Variants in EPS8 observed in about 807,000 individuals in gnomAD.
The protein encoded by EPS8 is EGFR pathway substrate 8, signaling adaptor.
A neutral mutation model predicts 103.8 loss-of-function variants in EPS8; 42 were observed. That is an observed-to-expected ratio of 0.40 (90% CI 0.32 to 0.52). The LOEUF is 0.52. Ranked by LOEUF, EPS8 falls within the 20% of genes least tolerant of loss-of-function variation. The pLI, the probability that EPS8 is intolerant of heterozygous loss-of-function variation, is 0.40. For missense variants in EPS8, 969 were observed against 1,005.1 expected, an observed-to-expected ratio of 0.96 and a Z score of 0.49; for synonymous variants, 344 against 344.6, an observed-to-expected ratio of 1.00 and a Z score of 0.02.
rs1440306567 is a variant in EPS8, at chr12:15,727,987, A to T, written c.-21-45015T>A. The T allele has an allele frequency of 1.3e-5, 2 of 152,264 alleles. No homozygotes were observed. The highest frequency in any genetic ancestry group is 3.8e-4 in the East Asian group (2 of 5,202). The allele number at this position is 152,264 out of a possible 1,614,324, so 9.4% of individuals were successfully genotyped here. A position where few individuals can be genotyped will look rare whatever the true frequency, so the allele number is the denominator to read the frequency against. ...CTGCAGCATAGAATAATTCCCTACC[A>T]GGTCTGACTGCAATGGAAAGATTTA... On this transcript the variant is annotated intron_variant, in intron 1 of 20. Coordinates refer to ENST00000281172, the MANE Select transcript of EPS8 (RefSeq NM_004447.6). The surrounding 1 kb of genome is among the most constrained non-coding windows in gnomAD (Gnocchi z 4.3).
chr12:15,696,866 GA>G lies in EPS8; in HGVS notation c.-21-13895del, dbSNP rs1946250414. On this transcript the variant is annotated intron_variant, in intron 1 of 20. Transcript: ENST00000281172. This position sits in a 1 kb window ranked among gnomAD's most constrained non-coding sequence, Gnocchi z 4.8. ...ACCACTTTATAGTGAATTAATAAGT[GA>G]AAAAAGGTGTTTGGATTAGCAGGGA... Among the ~76,000 whole-genome samples the G allele has an allele frequency of 6.6e-6, 1 of 152,028 alleles. No homozygotes were observed. Among genetic ancestry groups the G allele is most frequent in the Non-Finnish European group, 1.5e-5 (1 of 67,996 alleles).
chr12:15,677,905 T>C (rs1945937399), intron 3 of EPS8, among the ~76,000 whole-genome samples: 1 of 152,054 alleles, frequency 6.6e-6, no homozygotes, highest in African/African-American at 2.4e-5. Flanking sequence ...ATACATATAA[T>C]CTCTTCTTGG....
At chr12:15,732,845 T>C (rs894575108) in intron 1 of EPS8, 1 of 710,524 alleles carries the variant, frequency 1.4e-6, no homozygotes, top group Non-Finnish European at 1.7e-6. Flanking sequence ...TTAATCATTG[T>C]TAAGGCTTTG....
chr12:15,763,081 G>C (rs1343336433), intron 1 of EPS8, among the ~76,000 whole-genome samples: 1 of 151,878 alleles, frequency 6.6e-6, no homozygotes, highest in East Asian at 1.9e-4. Context: ...CCCACAAAAA[G>C]CAAAAATACA....
intron 1 of EPS8, among the ~76,000 whole-genome samples, chr12:15,694,643 C>A (rs931149075): frequency 1.3e-5 from 2 of 151,938 alleles, no homozygotes; most frequent in Non-Finnish European, 2.9e-5. Context: ...TGGACTACTC[C>A]AAAACAAAAG....
intron 1 of EPS8, among the ~76,000 whole-genome samples, chr12:15,756,644 C>T (rs1421299722): frequency 2.0e-5 from 3 of 152,088 alleles, no homozygotes; most frequent in African/African-American, 7.2e-5. Context: ...ATACATTGTA[C>T]CTTATATTTT....
chr12:15,659,261 A>C (rs929003646), intron 10 of EPS8, among the ~76,000 whole-genome samples: 1 of 152,144 alleles, frequency 6.6e-6, no homozygotes, highest in Non-Finnish European at 1.5e-5. Flanking sequence ...TTACAGCAGA[A>C]GAATGAAGTG....
At chr12:15,703,817 C>T (rs1450493879) in intron 1 of EPS8, among the ~76,000 whole-genome samples, 1 of 137,300 alleles carries the variant, frequency 7.3e-6, no homozygotes, top group Non-Finnish European at 1.6e-5. Flanking sequence ...CTATAGGAAT[C>T]TTCCCACCTG....
chr12:15,642,247 T>A (rs925137101), intron 15 of EPS8, among the ~76,000 whole-genome samples: 1 of 152,070 alleles, frequency 6.6e-6, no homozygotes, highest in East Asian at 1.9e-4. Flanking sequence ...AGTTATATGT[T>A]GATTTCACTA....
At position 15,761,941 on chromosome 12, in the gene EPS8, A is replaced by G. The variant is rs1947046545; in HGVS notation, c.-22+27220T>C. On this transcript the variant is annotated intron_variant, in intron 1 of 20. Transcript: ENST00000281172. The surrounding 1 kb of genome is among the most constrained non-coding windows in gnomAD (Gnocchi z 4.5). ...AAAACGAAAAGGGACAAATGGGATC[A>G]TATCAAGTTAAAAACCTTCTGAATA... is the stretch of plus-strand genomic sequence containing the variant. Among the ~76,000 whole-genome samples the G allele has an allele frequency of 6.6e-6, 1 of 152,164 alleles. No homozygotes were observed. Among genetic ancestry groups the G allele is most frequent in the Admixed American group, 6.5e-5 (1 of 15,270 alleles).
rs1946670275 is a variant in EPS8, at chr12:15,727,798, C to T, written c.-21-44826G>A. On this transcript the variant is annotated intron_variant, in intron 1 of 20. Transcript: ENST00000281172. The surrounding 1 kb of genome is among the most constrained non-coding windows in gnomAD (Gnocchi z 4.3). ...ACTCGAACCTGGGAGGTGGAGGTTGCAGTGAGCCAAGGTTGTGCCACTGCA... is the reference window on the plus strand; with the variant it reads ...ACTCGAACCTGGGAGGTGGAGGTTGTAGTGAGCCAAGGTTGTGCCACTGCA... 6.6e-6 allele frequency among the ~76,000 whole-genome samples: 1 copy of T among 152,148 alleles called. No homozygotes were observed.
rs1057369162 is a variant in EPS8, at chr12:15,752,548, A to G, written c.-22+36613T>C. Among the ~76,000 whole-genome samples the G allele has an allele frequency of 6.6e-6, 1 of 152,138 alleles. No homozygotes were observed. The highest frequency in any genetic ancestry group is 1.9e-4 in the East Asian group (1 of 5,188). On this transcript the variant is annotated intron_variant, in intron 1 of 20. Coordinates refer to ENST00000281172, the MANE Select transcript of EPS8 (RefSeq NM_004447.6). The surrounding 1 kb of genome is among the most constrained non-coding windows in gnomAD (Gnocchi z 4.4). Reference sequence around the variant, plus strand: ...TTAGCAGGAGTGAAATATTCCCAGCAATGGAATTAAAAGAAATTCAGGGGC... The same window carrying G: ...TTAGCAGGAGTGAAATATTCCCAGCGATGGAATTAAAAGAAATTCAGGGGC...
Position 15,761,046 on chromosome 12 carries a change from C to G in EPS8, c.-22+28115G>C, listed in dbSNP as rs960689145. ...GATATGATCTTATATTTGGAAAAAC[C>G]TAAAGACACCACATCAAAAACTATT... On this transcript the variant is annotated intron_variant, in intron 1 of 20. Coordinates refer to ENST00000281172, the MANE Select transcript of EPS8 (RefSeq NM_004447.6). The surrounding 1 kb of genome is among the most constrained non-coding windows in gnomAD (Gnocchi z 4.5). Among the ~76,000 whole-genome samples the G allele has an allele frequency of 6.6e-6, 1 of 151,922 alleles. No individual in the cohort carries two copies. The highest frequency in any genetic ancestry group is 1.5e-5 in the Non-Finnish European group (1 of 67,940).
intron 6 of EPS8, among the ~76,000 whole-genome samples, chr12:15,666,848 T>G (rs950465520): frequency 3.3e-5 from 5 of 152,140 alleles, no homozygotes; most frequent in African/African-American, 1.2e-4. Context: ...ATTAAGGGGT[T>G]AGAGGCTCCC....
chr12:15,670,343 TG>T (rs1321770063), intron 4 of EPS8, among the ~76,000 whole-genome samples: 4 of 152,122 alleles, frequency 2.6e-5, no homozygotes. Context: ...TAAGCATGCT[TG>T]ACATAGGTAG....
intron 8 of EPS8, chr12:15,662,700 C>T (rs1327254442): frequency 4.3e-6 from 4 of 939,046 alleles, no homozygotes; most frequent in East Asian, 1.4e-4. Flanking sequence ...ATTAAGGTTG[C>T]TCAGTTGGCT....
rs1167398505 is a variant in EPS8, at chr12:15,771,239, A to C, written c.-22+17922T>G. Among the ~76,000 whole-genome samples the C allele has an allele frequency of 6.6e-6, 1 of 152,216 alleles. No individual in the cohort carries two copies. The highest frequency in any genetic ancestry group is 1.5e-5 in the Non-Finnish European group (1 of 68,046). ...GGACACTGAAGCACAGACTGGGAAA[A>C]CTGAAGTATACAGATGAAAGTGTAT... On this transcript the variant is annotated intron_variant, in intron 1 of 20. Transcript: ENST00000281172. This position sits in a 1 kb window ranked among gnomAD's most constrained non-coding sequence, Gnocchi z 4.6.
At chr12:15,765,292 G>T (rs193047681) in intron 1 of EPS8, among the ~76,000 whole-genome samples, 3 of 152,086 alleles carry the variant, frequency 2.0e-5, no homozygotes, top group Admixed American at 2.0e-4. Flanking sequence ...ATAAACTGTA[G>T]ACTACAAGTA....
At chr12:15,678,161 C>G (rs1467440517) in intron 3 of EPS8, among the ~76,000 whole-genome samples, 1 of 151,970 alleles carries the variant, frequency 6.6e-6, no homozygotes, top group Admixed American at 6.6e-5. Flanking sequence ...TAAACACTCC[C>G]AAAGCTACCT....
Sources: gnomAD v4.1 joint callset for allele counts (sites outside exome capture counted in the v4.1 genomes callset) on GRCh38, gnomAD v4.1.1 for gene constraint, Gnocchi (gnomAD v3.1) non-coding constraint, MANE v1.5 for transcripts, NCBI Gene and HGNC (gene_info 2026-07-23, HGNC 2026-07-21) for gene names.